The following DNAH14 variants were observed in gnomAD, a reference collection of about 807,000 sequenced individuals.
DNAH14 encodes dynein axonemal heavy chain 14, also known as axonemal beta dynein heavy chain 14.
DNAH14 carries 478 observed loss-of-function variants against 520.9 expected under a neutral mutation model. The ratio of observed to expected loss-of-function variants is 0.92; its 90% confidence interval spans 0.85 to 0.99. The LOEUF (loss-of-function observed/expected upper bound fraction) is 0.99. DNAH14 is among the 50% of genes least tolerant of loss of function. The pLI, the probability that DNAH14 is intolerant of heterozygous loss-of-function variation, is 0.00. For missense variants in DNAH14, 4,831 were observed against 5,234.5 expected (o/e 0.92, Z 2.38); for synonymous variants, 1,581 against 1,757.2 (o/e 0.90, Z 2.51).
chr1:225,135,279 A>T lies in DNAH14; in HGVS notation c.4255-5489A>T, dbSNP rs114715140. On this transcript the variant is annotated intron_variant, in intron 27 of 85. Transcript: ENST00000682510. ...AACTTGAGGTCTCTCTAGCTTTCTG[A>T]TGTGGGCATTTAGTGCTGTAAATTT... 4.6e-3 allele frequency among the ~76,000 whole-genome samples: 701 copies of T among 152,026 alleles called. 4 individuals are homozygous for T. The highest frequency in any genetic ancestry group is 0.016 in the African/African-American group (659 of 41,484).
At chr1:224,996,172 G>T (rs936430261) in intron 8 of DNAH14, among the ~76,000 whole-genome samples, 2 of 148,698 alleles carry the variant, frequency 1.3e-5, no homozygotes, top group African/African-American at 2.5e-5. Context: ...GCTTTTATAG[G>T]TTTTTTTTTT....
Position 225,144,571 on chromosome 1 carries a change from C to T in DNAH14, c.4683C>T (p.Gly1561=), listed in dbSNP as rs2079750435. The T allele has an allele frequency of 6.4e-6, 10 of 1,551,576 alleles. No homozygotes were observed. Among genetic ancestry groups the T allele is most frequent in the Non-Finnish European group, 8.7e-6 (10 of 1,146,968 alleles). The stretch of plus-strand genomic sequence containing the variant: ...AAGCACTACACTTGAATCTAGGAGG[C>T]TGTCCTGCCGGTCCAGCTGGTACAG... ...LMEALHLNLG[G]CPAGPAGTGK... is the part of the protein sequence containing the mutation. Residue 1561 remains glycine (G), a synonymous_variant, in exon 29 of 86, where the codon GGC becomes GGT. Coordinates refer to ENST00000682510, the MANE Select transcript of DNAH14 (RefSeq NM_001367479.1).
chr1:225,023,391 C>G (rs2065866945), intron 10 of DNAH14, among the ~76,000 whole-genome samples: 1 of 148,458 alleles, frequency 6.7e-6, no homozygotes, highest in Admixed American at 6.7e-5. Flanking sequence ...TGTCCTTCCT[C>G]TTCTGGCTTC....
chr1:225,110,083 G>T (rs1046929104), intron 23 of DNAH14, among the ~76,000 whole-genome samples: 1 of 152,048 alleles, frequency 6.6e-6, no homozygotes, highest in African/African-American at 2.4e-5. Flanking sequence ...ACTTTGGTTT[G>T]CATGCATTTT....
intron 3 of DNAH14, 38 bp from the exon 4 acceptor site, chr1:224,960,115 C>T (rs1341081681): frequency 2.0e-6 from 3 of 1,517,036 alleles, no homozygotes; most frequent in East Asian, 4.6e-5. Context: ...ATTTACAGCT[C>T]ACACTAGTTA....
At chr1:225,215,340 T>G (rs2089144486) in intron 41 of DNAH14, among the ~76,000 whole-genome samples, 1 of 152,204 alleles carries the variant, frequency 6.6e-6, no homozygotes, top group Admixed American at 6.5e-5. Flanking sequence ...TGTGGTAAAT[T>G]TTGGAATAAA....
chr1:225,118,886 C>CAA (rs35262847), intron 25 of DNAH14, among the ~76,000 whole-genome samples: 9,882 of 74,396 alleles, frequency 0.13, 1,551 homozygotes, highest in African/African-American at 0.39. Flanking sequence ...CTCTCTGTCT[C>CAA]AAAAAAAAAA....
intron 71 of DNAH14, among the ~76,000 whole-genome samples, chr1:225,349,333 A>G (rs1198261369): frequency 2.0e-5 from 3 of 152,194 alleles, no homozygotes. Flanking sequence ...TGAGAAGGGA[A>G]TCAAAGTATA....
intron 21 of DNAH14, among the ~76,000 whole-genome samples, chr1:225,094,266 G>C (rs1160294081): frequency 6.6e-6 from 1 of 152,042 alleles, no homozygotes; most frequent in Non-Finnish European, 1.5e-5. Flanking sequence ...CATGGTACTG[G>C]TACAAAAGCA....
rs917638871 is a variant in DNAH14, at chr1:225,207,250, G to A, written c.6439+30G>A. 3.4e-6 allele frequency: 5 copies of A among 1,474,600 alleles called. No homozygotes were observed. In the Admixed American group the frequency reaches 1.1e-4, roughly 31 times the overall value. 91.3% of individuals were successfully genotyped at this position (1,474,600 alleles called of 1,614,324 possible). A position where few individuals can be genotyped will look rare whatever the true frequency, so the allele number is the denominator to read the frequency against. On this transcript the variant is annotated intron_variant, in intron 41 of 85. Coordinates refer to ENST00000682510, the MANE Select transcript of DNAH14 (RefSeq NM_001367479.1). ...GTTTTTTTCTCTAAGTCATATCAAT[G>A]ATATATCTTAGCTAGTCAATGCTAA...
At chr1:225,147,376 C>A in intron 31 of DNAH14, 127 bp downstream of exon 31, 4 of 962,536 alleles carry the variant, frequency 4.2e-6, no homozygotes, top group African/African-American at 1.7e-5. Flanking sequence ...TTTTAAAGCA[C>A]ATACCAAAAG....
At chr1:225,078,825 CCTCTCTCTCTCTCTCT>C (rs2072665904) in intron 17 of DNAH14, among the ~76,000 whole-genome samples, 6 of 15,716 alleles carry the variant, frequency 3.8e-4, no homozygotes, top group East Asian at 3.9e-3. Context: ...TCTCTCTCTC[CCTCTCTCTCTCTCTCT>C]CCCTCTCTCT....
chr1:225,182,140 G>A (rs1432686953), intron 36 of DNAH14, among the ~76,000 whole-genome samples: 6 of 152,224 alleles, frequency 3.9e-5, no homozygotes, highest in African/African-American at 1.4e-4. Flanking sequence ...AGAAGTTGCG[G>A]TGAACCCAGA....
At chr1:225,234,806 T>C (rs190530680) in intron 42 of DNAH14, among the ~76,000 whole-genome samples, 4 of 152,208 alleles carry the variant, frequency 2.6e-5, no homozygotes, top group Non-Finnish European at 5.9e-5. Context: ...TTTTTGTAGC[T>C]ATTGTGAACA....
chr1:225,157,031 C>T (rs1198103897), intron 34 of DNAH14, among the ~76,000 whole-genome samples: 1 of 152,118 alleles, frequency 6.6e-6, no homozygotes, highest in East Asian at 1.9e-4. Context: ...TTCTTAATCA[C>T]CTCTTTTGCC....
At chr1:225,270,888 C>A in intron 50 of DNAH14, 22 bp downstream of exon 50, 2 of 1,537,462 alleles carry the variant, frequency 1.3e-6, no homozygotes, top group African/African-American at 1.4e-5. Flanking sequence ...AGTTCATTTT[C>A]TACTGAAAAA....
At chr1:225,378,879 C>CAAAA (rs113657495) in intron 79 of DNAH14, among the ~76,000 whole-genome samples, 1 of 135,380 alleles carries the variant, frequency 7.4e-6, no homozygotes, top group Non-Finnish European at 1.5e-5. Context: ...AACTCCGTCC[C>CAAAA]AAAAAAAAAA....
chr1:225,358,037 A>T (rs1365813979), intron 73 of DNAH14, among the ~76,000 whole-genome samples: 1 of 152,236 alleles, frequency 6.6e-6, no homozygotes, highest in Non-Finnish European at 1.5e-5. Flanking sequence ...TTGCTTAAAC[A>T]TATAAAGATT....
chr1:225,167,702 C>A (rs2082162152), intron 35 of DNAH14, among the ~76,000 whole-genome samples: 1 of 152,162 alleles, frequency 6.6e-6, no homozygotes, highest in African/African-American at 2.4e-5. Context: ...AGGGAAGGAT[C>A]TATGAATTTG....
Sources: allele counts gnomAD v4.1 joint callset (sites outside exome capture counted in the v4.1 genomes callset), GRCh38; gene constraint gnomAD v4.1.1; transcripts MANE v1.5; gene names NCBI Gene and HGNC (gene_info 2026-07-23, HGNC 2026-07-21).